TSC22D1: variants seen among roughly 807,000 people sequenced by gnomAD.
TSC22D1 encodes TSC22 domain family protein 1.
Under a neutral mutation model 74.2 loss-of-function variants are expected in TSC22D1, and 9 were observed. That is an observed-to-expected ratio of 0.12 (90% CI 0.07 to 0.21). The LOEUF is 0.21. Ranked by LOEUF, TSC22D1 falls within the 10% of genes least tolerant of loss-of-function variation. The pLI is 1.00. For missense variants in TSC22D1, 1,427 were observed against 1,304.7 expected (o/e 1.09, Z -1.44); for synonymous variants, 586 against 492.5 (o/e 1.19, Z -2.51).
chr13:44,511,267 G>A (rs1490639051), intron 1 of TSC22D1, among the ~76,000 whole-genome samples: 1 of 152,116 alleles, frequency 6.6e-6, no homozygotes, highest in Non-Finnish European at 1.5e-5. Context: ...CTGGGCAACA[G>A]AGTGAGAACC....
In TSC22D1 at chr13:44,576,026, T is replaced by A. The variant is rs751738846; in HGVS notation, c.49A>T (p.Ile17Phe). The A allele has an allele frequency of 4.4e-6, 7 of 1,585,576 alleles. No homozygotes were observed. The African/African-American group carries it at 8.1e-5, about 18-fold the overall frequency. Residue 17 changes from isoleucine to phenylalanine, a missense_variant, in exon 1 of 3, where the codon ATT (isoleucine) becomes TTT (phenylalanine). Physicochemically the swap from Ile to Phe is conservative, Grantham distance 21 (BLOSUM62 0). Around this residue, in one of 3 missense-constraint regions of TSC22D1, gnomAD observed 1,343 missense variants for 1,191.5 expected, o/e 1.13. Coordinates refer to ENST00000458659, the MANE Select transcript of TSC22D1 (RefSeq NM_183422.4). ...GGGTGCGCCATCTTCCTAGCGCTAATGTCTGCAGCGGCGGCGGCCGCGGCG... is the reference window on the plus strand; with the variant it reads ...GGGTGCGCCATCTTCCTAGCGCTAAAGTCTGCAGCGGCGGCGGCCGCGGCG... Reference protein sequence around the residue: ...STAAAAAAADISARKMAHPAM... With the variant: ...STAAAAAAADFSARKMAHPAM...
intron 1 of TSC22D1, among the ~76,000 whole-genome samples, chr13:44,547,169 T>C (rs1490441833): frequency 2.0e-5 from 3 of 152,172 alleles, no homozygotes; most frequent in African/African-American, 7.2e-5. Flanking sequence ...GACACGCCTA[T>C]GGAATATCCA....
At chr13:44,518,024 C>CTT (rs572823671) in intron 1 of TSC22D1, among the ~76,000 whole-genome samples, 4 of 138,600 alleles carry the variant, frequency 2.9e-5, no homozygotes, top group African/African-American at 1.1e-4. Flanking sequence ...GCCCAGCTAA[C>CTT]TTTTTTTTTT....
At chr13:44,469,480 G>A (rs1877475024) in intron 1 of TSC22D1, among the ~76,000 whole-genome samples, 1 of 151,994 alleles carries the variant, frequency 6.6e-6, no homozygotes, top group African/African-American at 2.4e-5. Flanking sequence ...ATATGTAGGA[G>A]GATGTTCTTA....
chr13:44,503,536 G>T (rs765838177), intron 1 of TSC22D1, among the ~76,000 whole-genome samples: 1 of 152,140 alleles, frequency 6.6e-6, no homozygotes, highest in African/African-American at 2.4e-5. Flanking sequence ...TAATAGATTT[G>T]TAAATCATCC....
intron 1 of TSC22D1, among the ~76,000 whole-genome samples, chr13:44,447,092 T>A (rs1192327656): frequency 6.6e-6 from 1 of 151,992 alleles, no homozygotes; most frequent in Non-Finnish European, 1.5e-5. Flanking sequence ...CTGCCCCTAG[T>A]AACTGCCACT....
chr13:44,540,004 G>T, intron 1 of TSC22D1: 1 of 1,080,294 alleles, frequency 9.3e-7, no homozygotes, highest in Non-Finnish European at 1.2e-6. Context: ...AGTTTGTAAT[G>T]GCTTAATCCT....
chr13:44,493,978 C>G (rs1479192441), intron 1 of TSC22D1, among the ~76,000 whole-genome samples: 1 of 152,198 alleles, frequency 6.6e-6, no homozygotes, highest in South Asian at 2.1e-4. Flanking sequence ...TGCCTGTAAT[C>G]CCAGCACTTT....
At chr13:44,534,096 T>TG (rs1284383871) in intron 1 of TSC22D1, among the ~76,000 whole-genome samples, 2 of 151,746 alleles carry the variant, frequency 1.3e-5, no homozygotes, top group African/African-American at 2.4e-5. Context: ...GGTATGGTGG[T>TG]GCATACCTAT....
intron 1 of TSC22D1, among the ~76,000 whole-genome samples, chr13:44,550,702 T>C (rs1358072181): frequency 6.6e-6 from 1 of 152,056 alleles, no homozygotes; most frequent in African/African-American, 2.4e-5. Flanking sequence ...TATTTCTAAA[T>C]AGAAGAAAAG....
At chr13:44,530,362 A>G (rs1170589067) in intron 1 of TSC22D1, among the ~76,000 whole-genome samples, 1 of 152,092 alleles carries the variant, frequency 6.6e-6, no homozygotes, top group Admixed American at 6.5e-5. Context: ...CCCCCCAAAA[A>G]TCAATGTAAA....
At position 44,507,469 on chromosome 13, in the gene TSC22D1, C is replaced by CT. The variant is rs576593235; in HGVS notation, c.2912+65693dup. 5.5e-3 allele frequency among the ~76,000 whole-genome samples: 801 copies of CT among 144,808 alleles called. 7 individuals carry two copies. Among genetic ancestry groups the CT allele is most frequent in the African/African-American group, 0.017 (687 of 39,824 alleles). The allele number at this position is 144,808 out of a possible 152,430, so 95.0% of individuals were successfully genotyped here. On this transcript the variant is annotated intron_variant, in intron 1 of 2. Coordinates refer to ENST00000458659, the MANE Select transcript of TSC22D1 (RefSeq NM_183422.4). The stretch of plus-strand genomic sequence containing the variant: ...TTTGCAAAGCAAATATCTTACTTTA[C>CT]TTTTTTTTTTTAATGTGCAAAGACT...
chr13:44,433,849 T>G lies in TSC22D1; in HGVS notation c.*777A>C. The G allele has an allele frequency of 1.2e-6, 1 of 804,188 alleles. No homozygotes were observed. The highest frequency in any genetic ancestry group is 1.8e-6 in the Non-Finnish European group (1 of 556,992). The allele number at this position is 804,188 out of a possible 1,614,324, so 49.8% of individuals were successfully genotyped here. On this transcript the variant is annotated 3_prime_UTR_variant, in exon 3 of 3. Transcript: ENST00000458659. ...GTGGTTTTTGTCATGTAGCAGTTTT[T>G]ATGTAGATCTATATATAAAAGTCCA... is the stretch of plus-strand genomic sequence containing the variant.
In TSC22D1 at chr13:44,507,563, T is replaced by C. The variant is rs549663754; in HGVS notation, c.2912+65600A>G. ...GATGGATTTAAAGTACACAAAATAC[T>C]ATAGAATTGCAACCCCTCAGACTGA... On this transcript the variant is annotated intron_variant, in intron 1 of 2. Transcript: ENST00000458659. Among the ~76,000 whole-genome samples the C allele has an allele frequency of 2.0e-5, 3 of 152,254 alleles. No individual in the cohort carries two copies. In the South Asian group the frequency reaches 6.2e-4, roughly 32 times the overall value.
chr13:44,446,062 A>G (rs1022350255), intron 1 of TSC22D1, among the ~76,000 whole-genome samples: 2 of 152,332 alleles, frequency 1.3e-5, no homozygotes, highest in African/African-American at 4.8e-5. Flanking sequence ...ATGTTACCAC[A>G]AAAATTTGGA....
At chr13:44,559,343 A>C (rs921598928) in intron 1 of TSC22D1, among the ~76,000 whole-genome samples, 3 of 152,220 alleles carry the variant, frequency 2.0e-5, no homozygotes, top group Non-Finnish European at 4.4e-5. Flanking sequence ...AGCAAAAAAC[A>C]TAACTTATAA....
intron 1 of TSC22D1, chr13:44,539,287 A>G: frequency 1.0e-6 from 1 of 985,416 alleles, no homozygotes; most frequent in Non-Finnish European, 1.2e-6. Flanking sequence ...ATCTTTTAAA[A>G]GATCTAATAT....
intron 1 of TSC22D1, among the ~76,000 whole-genome samples, chr13:44,442,424 GA>G (rs1875275702): frequency 6.6e-6 from 1 of 152,136 alleles, no homozygotes; most frequent in Admixed American, 6.5e-5. Flanking sequence ...GAAAGTAGAG[GA>G]AAACATTAGC....
intron 1 of TSC22D1, among the ~76,000 whole-genome samples, chr13:44,490,225 G>T (rs1878635161): frequency 2.0e-5 from 3 of 152,034 alleles, no homozygotes; most frequent in African/African-American, 4.8e-5. Flanking sequence ...AGAAACAAAA[G>T]AATATATAGT....
Sources: allele counts gnomAD v4.1 joint callset (sites outside exome capture counted in the v4.1 genomes callset), GRCh38; gene constraint gnomAD v4.1.1; regional missense constraint gnomAD v4.1.1; transcripts MANE v1.5; gene names NCBI Gene and HGNC (gene_info 2026-07-23, HGNC 2026-07-21).